CWF19L2: variants seen among roughly 807,000 people sequenced by gnomAD.
CWF19L2 encodes CWF19-like protein 2.
Under a neutral mutation model 111.7 loss-of-function variants are expected in CWF19L2, and 98 were observed. The observed-to-expected ratio is 0.88, with a 90% CI of 0.75 to 1.04. CWF19L2 has a LOEUF of 1.04. CWF19L2 is among the 50% of genes least tolerant of loss of function. The pLI, the probability that CWF19L2 is intolerant of heterozygous loss-of-function variation, is 0.00. For missense variants in CWF19L2, 1,101 were observed against 1,051.4 expected, an observed-to-expected ratio of 1.05 and a Z score of -0.65; for synonymous variants, 351 against 342.9, an observed-to-expected ratio of 1.02 and a Z score of -0.26.
At chr11:107,337,203 T>C (rs1859938405) in intron 14 of CWF19L2, among the ~76,000 whole-genome samples, 1 of 152,256 alleles carries the variant, frequency 6.6e-6, no homozygotes, top group Admixed American at 6.5e-5. Flanking sequence ...AATAACCTTG[T>C]ATATTCAGGT....
In CWF19L2 at chr11:107,454,513, T is replaced by A. The variant is rs762526502; in HGVS notation, c.276A>T (p.Glu92Asp). 2 of 1,483,122 alleles carry A rather than the reference T, an allele frequency of 1.3e-6. No individual in the cohort carries two copies. Among genetic ancestry groups the A allele is most frequent in the Admixed American group, 5.2e-5 (2 of 38,214 alleles). 91.9% of individuals were successfully genotyped at this position (1,483,122 alleles called of 1,614,324 possible). The change falls in exon 3 of 18, where the codon GAA becomes GAT. Residue 92 changes from glutamate to aspartate, a missense_variant. By Grantham distance (45) the Glu-to-Asp change is conservative. Coordinates refer to ENST00000282251, the MANE Select transcript of CWF19L2 (RefSeq NM_152434.3). ...TCTGTTTCTTGCTCTTTTTTTTCTTTTCTTTCTTTGCTTTTTTTGAATGCT... is the reference window on the plus strand; with the variant it reads ...TCTGTTTCTTGCTCTTTTTTTTCTTATCTTTCTTTGCTTTTTTTGAATGCT... ...KDKHSKKAKK[E>D]KKKKSKKQKY...
At chr11:107,328,566 C>T (rs1859797294) in intron 17 of CWF19L2, among the ~76,000 whole-genome samples, 1 of 152,056 alleles carries the variant, frequency 6.6e-6, no homozygotes, top group Non-Finnish European at 1.5e-5. Flanking sequence ...CTCAGTGACG[C>T]AATGCTGACA....
At chr11:107,414,963 T>G (rs975162867) in intron 10 of CWF19L2, among the ~76,000 whole-genome samples, 2 of 152,204 alleles carry the variant, frequency 1.3e-5, no homozygotes, top group Non-Finnish European at 2.9e-5. Flanking sequence ...CCGTTCTTAA[T>G]AGAGAATCCA....
At chr11:107,358,931 T>C (rs764863938) in intron 12 of CWF19L2, among the ~76,000 whole-genome samples, 14 of 152,132 alleles carry the variant, frequency 9.2e-5, no homozygotes, top group Admixed American at 2.0e-4. Context: ...AATTAGAGAA[T>C]TGATGACAAG....
At chr11:107,411,879 G>A (rs762716271) in intron 10 of CWF19L2, among the ~76,000 whole-genome samples, 32 of 152,076 alleles carry the variant, frequency 2.1e-4, no homozygotes, top group Middle Eastern at 6.8e-3. Flanking sequence ...AGGGACAAAG[G>A]CAGAGACGGA....
chr11:107,416,173 C>A, intron 10 of CWF19L2, 36 bp downstream of exon 10: 1 of 652,692 alleles, frequency 1.5e-6, no homozygotes, highest in Non-Finnish European at 2.4e-6. Context: ...GTAGTTTACA[C>A]AAGGTAATTA....
At chr11:107,442,774 GGAAGGAAGGAAGGAAGGA>G (rs1565287189) in intron 4 of CWF19L2, among the ~76,000 whole-genome samples, 147 bp downstream of exon 4, 10 of 49,610 alleles carry the variant, frequency 2.0e-4, no homozygotes, top group Non-Finnish European at 3.1e-4. Flanking sequence ...AAGGAAGGAA[GGAAGGAAGGAAGGAAGGA>G]AGGGAGGGAG....
At chr11:107,381,290 C>T (rs537765939) in intron 12 of CWF19L2, among the ~76,000 whole-genome samples, 1 of 152,188 alleles carries the variant, frequency 6.6e-6, no homozygotes, top group South Asian at 2.1e-4. Context: ...AACGAAAAAA[C>T]ATTAAATAAA....
At position 107,433,629 on chromosome 11, in the gene CWF19L2, C is replaced by A; in HGVS notation, c.780+5G>T. ...AAGAGGCATCTCCTTAAAACAGATA[C>A]TCACCCCATATCTTTCGGCTACAAT... is the stretch of plus-strand genomic sequence containing the variant. On this transcript the variant is annotated splice_donor_5th_base_variant and intron_variant, in intron 7 of 17. Transcript: ENST00000282251. 1 of 1,437,770 alleles carries A rather than the reference C, an allele frequency of 7.0e-7. No individual in the cohort carries two copies. The highest frequency in any genetic ancestry group is 9.5e-7 in the Non-Finnish European group (1 of 1,055,360). The allele number at this position is 1,437,770 out of a possible 1,614,324, so 89.1% of individuals were successfully genotyped here. A position where few individuals can be genotyped will look rare whatever the true frequency, so the allele number is the denominator to read the frequency against.
intron 12 of CWF19L2, among the ~76,000 whole-genome samples, chr11:107,389,277 A>G (rs146051360): frequency 2.0e-5 from 3 of 152,350 alleles, no homozygotes; most frequent in Admixed American, 2.0e-4. Context: ...CACACAGAAA[A>G]TATTTGCAGC....
chr11:107,417,398 A>C (rs1861242461), intron 9 of CWF19L2, among the ~76,000 whole-genome samples: 1 of 152,226 alleles, frequency 6.6e-6, no homozygotes, highest in Admixed American at 6.5e-5. Flanking sequence ...CTTAAATCAA[A>C]CATTACTACA....
At chr11:107,359,887 T>G (rs1170614657) in intron 12 of CWF19L2, among the ~76,000 whole-genome samples, 1 of 152,248 alleles carries the variant, frequency 6.6e-6, no homozygotes, top group Non-Finnish European at 1.5e-5. Flanking sequence ...GGCATTGTAT[T>G]GGCTGAAGCC....
intron 3 of CWF19L2, among the ~76,000 whole-genome samples, chr11:107,453,669 C>A (rs901533464): frequency 2.6e-5 from 4 of 151,736 alleles, no homozygotes; most frequent in Admixed American, 2.6e-4. Context: ...GGGGCTCTGT[C>A]TTGCGCCTTA....
At chr11:107,419,193 C>T (rs954514386) in intron 8 of CWF19L2, among the ~76,000 whole-genome samples, 2 of 152,078 alleles carry the variant, frequency 1.3e-5, no homozygotes, top group Admixed American at 6.6e-5. Context: ...TAGGAAATCA[C>T]GTAATTCAAA....
intron 4 of CWF19L2, among the ~76,000 whole-genome samples, chr11:107,442,706 G>C (rs1395799201): frequency 7.6e-6 from 1 of 131,566 alleles, no homozygotes; most frequent in African/African-American, 2.8e-5. Flanking sequence ...AAGAGAGAAA[G>C]AGAGAGAGAG....
intron 10 of CWF19L2, among the ~76,000 whole-genome samples, chr11:107,411,979 G>C (rs1375237492): frequency 1.3e-5 from 2 of 152,166 alleles, no homozygotes; most frequent in African/African-American, 4.8e-5. Context: ...CATGAAGCTT[G>C]TGCTACCAGG....
intron 8 of CWF19L2, among the ~76,000 whole-genome samples, chr11:107,426,678 A>T (rs12224202): frequency 0.028 from 4,181 of 151,924 alleles, 108 homozygotes; most frequent in East Asian, 0.11. Flanking sequence ...AAGTAAAAAG[A>T]TCTTTAAGAT....
intron 10 of CWF19L2, among the ~76,000 whole-genome samples, chr11:107,414,460 ATT>A (rs1861198656): frequency 6.6e-6 from 1 of 152,202 alleles, no homozygotes. Flanking sequence ...AGTATCATAG[ATT>A]TAAATATCAC....
At chr11:107,343,763 A>C (rs1021427668) in intron 14 of CWF19L2, among the ~76,000 whole-genome samples, 7 of 152,302 alleles carry the variant, frequency 4.6e-5, no homozygotes, top group Admixed American at 4.6e-4. Flanking sequence ...GAGTTGCTTT[A>C]AGGCATTACA....
Sources: gnomAD v4.1 joint callset for allele counts (sites outside exome capture counted in the v4.1 genomes callset) on GRCh38, gnomAD v4.1.1 for gene constraint, MANE v1.5 for transcripts, NCBI Gene and HGNC (gene_info 2026-07-23, HGNC 2026-07-21) for gene names.